HK3: variants seen among roughly 807,000 people sequenced by gnomAD.
HK3 encodes the protein hexokinase-3.
HK3 carries 93 observed loss-of-function variants against 91.0 expected under a neutral mutation model. The observed-to-expected ratio is 1.02, with a 90% CI of 0.86 to 1.21. HK3 has a LOEUF of 1.21. Among genes scored for constraint, HK3 ranks in the 50% most tolerant of loss-of-function variants. HK3 has a pLI of 0.00. For synonymous variants in HK3, 519 were observed against 516.9 expected, an observed-to-expected ratio of 1.00 and a Z score of -0.06; for missense variants, 1,235 against 1,247.4, an observed-to-expected ratio of 0.99 and a Z score of 0.15.
In HK3 at chr5:176,883,878, A is replaced by C. The variant is rs1386432408; in HGVS notation, c.1954-9T>G. 6.2e-7 allele frequency: 1 copy of C among 1,613,578 alleles called. No homozygotes were observed. Among genetic ancestry groups the C allele is most frequent in the East Asian group, 2.2e-5 (1 of 44,878 alleles). ...ACATTCAGCTCCACTGCCTGCACAC[A>C]AAAGGATGCTGCTAGTTGCTGGGCA... On this transcript the variant is annotated splice_polypyrimidine_tract_variant and intron_variant, in intron 14 of 18. Transcript: ENST00000292432.
chr5:176,888,596 C>G, intron 9 of HK3, 31 bp from the exon 10 acceptor site: 1 of 1,598,102 alleles, frequency 6.3e-7, no homozygotes, highest in Non-Finnish European at 8.5e-7. Context: ...GTTTGGGGCT[C>G]AGCCCAGAAG....
Position 176,882,123 on chromosome 5 carries a change from G to T in HK3, c.2058C>A (p.Thr686=). The T allele has an allele frequency of 6.2e-7, 1 of 1,612,762 alleles. No homozygotes were observed. The highest frequency in any genetic ancestry group is 8.5e-7 in the Non-Finnish European group (1 of 1,179,946). Residue 686 remains threonine (T), a synonymous_variant, in exon 16 of 19, where the codon ACC becomes ACA. Coordinates refer to ENST00000292432, the MANE Select transcript of HK3 (RefSeq NM_002115.3). ...CCTCCATGTAGCAGGCATTGGTGCC[G>T]GTTCCTGCAGAGAGGCCAGACAACG... ...PRCEIGLIVG[T]GTNACYMEEL...
chr5:176,888,837 G>T lies in HK3; in HGVS notation c.942C>A (p.Tyr314Ter). 1.2e-6 allele frequency: 2 copies of T among 1,614,148 alleles called. No homozygotes were observed. The highest frequency in any genetic ancestry group is 1.7e-6 in the Non-Finnish European group (2 of 1,180,012). The change falls in exon 9 of 19, where the codon TAC becomes TAA. Residue 314 changes from tyrosine (Y) to a stop codon, truncating the protein, a stop_gained. Coordinates refer to ENST00000292432, the MANE Select transcript of HK3 (RefSeq NM_002115.3). LOFTEE classifies it high-confidence loss of function. ...GCACCAGCCGCACCAGCTCACCCAGGTACAGGCCTCCGATCATCTTCTCAA... is the reference window on the plus strand; with the variant it reads ...GCACCAGCCGCACCAGCTCACCCAGTTACAGGCCTCCGATCATCTTCTCAA... ...QRFEKMIGGL[Y>*]LGELVRLVLA...
intron 2 of HK3, among the ~76,000 whole-genome samples, chr5:176,895,547 G>A (rs1341406815): frequency 6.6e-6 from 1 of 152,176 alleles, no homozygotes; most frequent in African/African-American, 2.4e-5. Context: ...TGGTCAAGAT[G>A]ACAGAAAAAG....
intron 15 of HK3, 169 bp from the exon 16 acceptor site, chr5:176,882,296 A>G: frequency 4.2e-6 from 3 of 716,034 alleles, no homozygotes; most frequent in South Asian, 3.6e-5. Flanking sequence ...CCTCGTGCAG[A>G]CCCTGCCAGC....
At position 176,887,853 on chromosome 5, in the gene HK3, T is replaced by C; in HGVS notation, c.1305-107A>G. On this transcript the variant is annotated intron_variant, in intron 10 of 18. Coordinates refer to ENST00000292432, the MANE Select transcript of HK3 (RefSeq NM_002115.3). The surrounding 1 kb of genome is among the most constrained non-coding windows in gnomAD (Gnocchi z 4.9). ...CAGATACATACAGGTGTGCCCAGCTTGGCCCCAGACCCCTAGGGCCTCCTG... is the reference window on the plus strand; with the variant it reads ...CAGATACATACAGGTGTGCCCAGCTCGGCCCCAGACCCCTAGGGCCTCCTG... 8.0e-7 allele frequency: 1 copy of C among 1,244,292 alleles called. No homozygotes were observed. The highest frequency in any genetic ancestry group is 1.1e-6 in the Non-Finnish European group (1 of 900,472). 77.1% of individuals were successfully genotyped at this position (1,244,292 alleles called of 1,614,324 possible). A position where few individuals can be genotyped will look rare whatever the true frequency, so the allele number is the denominator to read the frequency against.
At chr5:176,881,575 G>C in intron 17 of HK3, 40 bp from the exon 18 acceptor site, 1 of 1,586,108 alleles carries the variant, frequency 6.3e-7, no homozygotes, top group Non-Finnish European at 8.6e-7. Context: ...GAGGTGGGTC[G>C]TGACTTCTCC....
intron 15 of HK3, 80 bp from the exon 16 acceptor site, chr5:176,882,207 C>A: frequency 6.8e-7 from 1 of 1,461,066 alleles, no homozygotes; most frequent in Non-Finnish European, 9.4e-7. Context: ...ACCGAGATGG[C>A]AACGATTCGG....
chr5:176,888,946 A>C (rs1758683348), intron 8 of HK3, 82 bp from the exon 9 acceptor site: 1 of 1,495,970 alleles, frequency 6.7e-7, no homozygotes, highest in African/African-American at 1.4e-5. Context: ...TTCCCAAAGA[A>C]GGATTCTTTT....
chr5:176,882,247 G>A lies in HK3; in HGVS notation c.2054-120C>T, dbSNP rs182950683. 408 of 1,031,796 alleles carry A rather than the reference G, an allele frequency of 4.0e-4. 1 individual carries two copies. Among genetic ancestry groups the A allele is most frequent in the Non-Finnish European group, 5.5e-4 (387 of 700,818 alleles). 63.9% of individuals were successfully genotyped at this position (1,031,796 alleles called of 1,614,324 possible). A position where few individuals can be genotyped will look rare whatever the true frequency, so the allele number is the denominator to read the frequency against. ...ACTCTCTCTACCTCTCATGCTCACA[G>A]CCTGTCCCTGGTCCTGGTCCTTCTT... is the stretch of plus-strand genomic sequence containing the variant. On this transcript the variant is annotated intron_variant, in intron 15 of 18. Transcript: ENST00000292432.
At chr5:176,895,374 G>A (rs1162611581) in intron 2 of HK3, among the ~76,000 whole-genome samples, 2 of 152,206 alleles carry the variant, frequency 1.3e-5, no homozygotes, top group Non-Finnish European at 2.9e-5. Flanking sequence ...ACCGCGCCCG[G>A]CCATAGGCAA....
chr5:176,893,318 G>C (rs1460531292), intron 2 of HK3, among the ~76,000 whole-genome samples: 1 of 152,198 alleles, frequency 6.6e-6, no homozygotes, highest in African/African-American at 2.4e-5. Context: ...CAAGGCTGAT[G>C]AAAGTTGCTG....
Position 176,884,778 on chromosome 5 carries a change from T to C in HK3, c.1858-644A>G, listed in dbSNP as rs563804226. ...AATGCTGTTTTCTTAGTGTGCGTCC[T>C]CTGAGGGAGGGGGCAGGGGGAGCAG... On this transcript the variant is annotated intron_variant, in intron 13 of 18. Coordinates refer to ENST00000292432, the MANE Select transcript of HK3 (RefSeq NM_002115.3). This position sits in a 1 kb window ranked among gnomAD's most constrained non-coding sequence, Gnocchi z 4.1. 6.6e-6 allele frequency among the ~76,000 whole-genome samples: 1 copy of C among 152,246 alleles called. No individual in the cohort carries two copies. Among genetic ancestry groups the C allele is most frequent in the Non-Finnish European group, 1.5e-5 (1 of 68,018 alleles).
chr5:176,891,096 C>G lies in HK3; in HGVS notation c.355G>C (p.Glu119Gln). 1 of 1,614,114 alleles carries G rather than the reference C, an allele frequency of 6.2e-7. No individual in the cohort carries two copies. The highest frequency in any genetic ancestry group is 8.5e-7 in the Non-Finnish European group (1 of 1,180,048). ...TLTGIEGHRV[E>Q]PRSQEFVIPQ... is the part of the protein sequence containing the mutation. ...ATCACAAACTCCTGGCTTCTGGGCT[C>G]CACCCTATGCCCCTCAATGCCAGTT... The change falls in exon 4 of 19, where the codon GAG becomes CAG. Residue 119 changes from glutamate to glutamine, a missense_variant. Physicochemically the swap from Glu to Gln is conservative, Grantham distance 29. This residue lies in a region of HK3 where 717 missense variants were observed against 751.6 expected (regional missense o/e 0.95). Transcript: ENST00000292432.
chr5:176,892,867 G>A (rs1030835697), intron 2 of HK3, among the ~76,000 whole-genome samples: 36 of 152,180 alleles, frequency 2.4e-4, no homozygotes, highest in African/African-American at 8.2e-4. Flanking sequence ...CTAAGAAGGC[G>A]AATCATCCTA....
At chr5:176,881,896 C>A in intron 16 of HK3, 48 bp downstream of exon 16, 1 of 1,612,444 alleles carries the variant, frequency 6.2e-7, no homozygotes, top group South Asian at 1.1e-5. Flanking sequence ...AGCCACCATC[C>A]CCAGCACCGG....
Position 176,883,868 on chromosome 5 carries a change from G to C in HK3, c.1955C>G (p.Ala652Gly), listed in dbSNP as rs769243803. ...LLREAITRRQAVELNVVAIVN... is the reference protein window; with the variant it reads ...LLREAITRRQGVELNVVAIVN... ...AATGGCAACCACATTCAGCTCCACTGCCTGCACACAAAAGGATGCTGCTAG... is the reference window on the plus strand; with the variant it reads ...AATGGCAACCACATTCAGCTCCACTCCCTGCACACAAAAGGATGCTGCTAG... Residue 652 changes from alanine (A) to glycine (G), a missense_variant and splice_region_variant, in exon 15 of 19, where the codon GCA (alanine) becomes GGA (glycine). By Grantham distance (60) the Ala-to-Gly change is moderately conservative. Coordinates refer to ENST00000292432, the MANE Select transcript of HK3 (RefSeq NM_002115.3). 1.9e-6 allele frequency: 3 copies of C among 1,613,896 alleles called. No homozygotes were observed. In the South Asian group the frequency reaches 3.3e-5, roughly 18 times the overall value.
chr5:176,889,500 C>T lies in HK3; in HGVS notation c.795G>A (p.Arg265=). 6.2e-7 allele frequency: 1 copy of T among 1,614,180 alleles called. No homozygotes were observed. The highest frequency in any genetic ancestry group is 1.1e-5 in the South Asian group (1 of 91,086). ...ARHVAVLDED[R]GRVCVSVEWG... is the part of the protein sequence containing the mutation. ...ACTCGACGCTGACGCAGACGCGGCC[C>T]CGGTCTTCGTCCAGCACTGCCACAT... Residue 265 remains arginine, a synonymous_variant, in exon 8 of 19, where the codon CGG becomes CGA. Coordinates refer to ENST00000292432, the MANE Select transcript of HK3 (RefSeq NM_002115.3).
In HK3 at chr5:176,888,357, C is replaced by G; in HGVS notation, c.1279G>C (p.Gly427Arg). 6.4e-7 allele frequency: 1 copy of G among 1,559,170 alleles called. No individual in the cohort carries two copies. The highest frequency in any genetic ancestry group is 8.7e-7 in the Non-Finnish European group (1 of 1,150,974). ...QTLQVAVATG[G>R]RVCERHPRFC... ...CTGGGGTGCCGCTCACACACTCGGC[C>G]TCCGGTGGCCACAGCAACCTGGAGT... Residue 427 changes from glycine to arginine, a missense_variant, in exon 10 of 19, where the codon GGC (glycine) becomes CGC (arginine). By Grantham distance (125) the Gly-to-Arg change is moderately radical. Transcript: ENST00000292432.
Sources: allele counts gnomAD v4.1 joint callset (sites outside exome capture counted in the v4.1 genomes callset), GRCh38; gene constraint gnomAD v4.1.1; regional missense constraint gnomAD v4.1.1; non-coding constraint Gnocchi (gnomAD v3.1); transcripts MANE v1.5; gene names NCBI Gene and HGNC (gene_info 2026-07-23, HGNC 2026-07-21).